Variants in PPP1R36 observed in about 807,000 individuals in gnomAD.
PPP1R36 encodes protein phosphatase 1 regulatory subunit 36, also known as chromosome 14 open reading frame 50.
PPP1R36 carries 47 observed loss-of-function variants against 53.4 expected under a neutral mutation model. That is an observed-to-expected ratio of 0.88 (90% CI 0.70 to 1.12). The LOEUF is 1.12. PPP1R36 is among the 50% of genes most tolerant of loss of function. PPP1R36 has a pLI of 0.00. For missense variants in PPP1R36, 456 were observed against 513.9 expected, an observed-to-expected ratio of 0.89 and a Z score of 1.09; for synonymous variants, 153 against 170.5, an observed-to-expected ratio of 0.90 and a Z score of 0.80.
chr14:64,573,141 A>G (rs1174776064), intron 7 of PPP1R36, among the ~76,000 whole-genome samples: 1 of 152,196 alleles, frequency 6.6e-6, no homozygotes, highest in Non-Finnish European at 1.5e-5. Flanking sequence ...AGTACAACTC[A>G]CTTTTCAATA....
intron 8 of PPP1R36, among the ~76,000 whole-genome samples, chr14:64,575,856 TAGCCAGG>T (rs986734266): frequency 2.6e-5 from 4 of 152,054 alleles, no homozygotes; most frequent in African/African-American, 9.7e-5. Flanking sequence ...TTCACCATGT[TAGCCAGG>T]ATGGTCTCGA....
At chr14:64,589,050 A>C in intron 11 of PPP1R36, 102 bp from the exon 12 acceptor site, 1 of 792,910 alleles carries the variant, frequency 1.3e-6, no homozygotes, top group Non-Finnish European at 2.0e-6. Flanking sequence ...TTTAGTGTAC[A>C]TACACACACA....
chr14:64,587,248 T>G lies in PPP1R36; in HGVS notation c.766T>G (p.Leu256Val), dbSNP rs749015307. 2 of 1,613,630 alleles carry G rather than the reference T, an allele frequency of 1.2e-6. No homozygotes were observed. Among genetic ancestry groups the G allele is most frequent in the East Asian group, 4.5e-5 (2 of 44,874 alleles). ...VAWIVFRRQH[L>V]TEIEEEVGRL... The stretch of plus-strand genomic sequence containing the variant: ...TTGGATTGTCTTCCGACGTCAACAC[T>G]TGACAGAGATTGAAGAAGAAGTAGG... Residue 256 changes from leucine (L) to valine (V), a missense_variant, in exon 10 of 12, where the codon TTG becomes GTG. Physicochemically the swap from Leu to Val is conservative, Grantham distance 32. Transcript: ENST00000298705.
chr14:64,554,111 T>C (rs2140215194), intron 3 of PPP1R36, among the ~76,000 whole-genome samples: 1 of 151,114 alleles, frequency 6.6e-6, no homozygotes, highest in East Asian at 1.9e-4. Flanking sequence ...ATTGGTTCCC[T>C]GTTAAAGTCT....
chr14:64,585,548 G>A (rs1397581037), intron 8 of PPP1R36, among the ~76,000 whole-genome samples: 1 of 148,472 alleles, frequency 6.7e-6, no homozygotes, highest in Non-Finnish European at 1.5e-5. Flanking sequence ...AAATTAGCCA[G>A]TGTGGTGGTG....
chr14:64,568,325 T>A lies in PPP1R36; in HGVS notation c.435-24T>A, dbSNP rs768273252. ...AAATAGGTTAGCATTGACTCTTTTTTTGTTGTTTCAAATCTCCCCATAGGA... is the reference window on the plus strand; with the variant it reads ...AAATAGGTTAGCATTGACTCTTTTTATGTTGTTTCAAATCTCCCCATAGGA... On this transcript the variant is annotated intron_variant, in intron 6 of 11. Coordinates refer to ENST00000298705, the MANE Select transcript of PPP1R36 (RefSeq NM_172365.3). 25 of 1,084,232 alleles carry A rather than the reference T, an allele frequency of 2.3e-5. No homozygotes were observed. In the African/African-American group the frequency reaches 4.0e-4, roughly 17 times the overall value. The allele number at this position is 1,084,232 out of a possible 1,614,324, so 67.2% of individuals were successfully genotyped here.
chr14:64,585,299 T>G (rs1040765838), intron 8 of PPP1R36, among the ~76,000 whole-genome samples: 2 of 152,120 alleles, frequency 1.3e-5, no homozygotes, highest in African/African-American at 4.8e-5. Flanking sequence ...GTGGATAGCT[T>G]GAGCTCAGGA....
chr14:64,561,759 C>T (rs2080207073), intron 3 of PPP1R36: 1 of 456,016 alleles, frequency 2.2e-6, no homozygotes, highest in Non-Finnish European at 4.4e-6. Context: ...TGACATAGTA[C>T]CTGCTATCCT....
intron 10 of PPP1R36, 76 bp downstream of exon 10, chr14:64,587,448 CTTTTTTTTTTTTTTTTTTTT>C (rs10708900): frequency 1.1e-4 from 12 of 110,980 alleles, no homozygotes; most frequent in Non-Finnish European, 1.7e-4. Context: ...CTTTTTTCTC[CTTTTTTTTTTTTTTTTTTTT>C]TTTTTTTTTT....
chr14:64,578,958 G>A (rs1280849696), intron 8 of PPP1R36, among the ~76,000 whole-genome samples: 5 of 152,214 alleles, frequency 3.3e-5, no homozygotes, highest in Non-Finnish European at 7.3e-5. Context: ...CCTTCTGTGG[G>A]AACATGGATA....
At chr14:64,556,762 A>ATGTTTGTG (rs1555351247) in intron 3 of PPP1R36, among the ~76,000 whole-genome samples, 513 of 134,060 alleles carry the variant, frequency 3.8e-3, no homozygotes, top group Middle Eastern at 0.011. Flanking sequence ...TCTCCAAAAA[A>ATGTTTGTG]TGTGTGTGTG....
intron 3 of PPP1R36, among the ~76,000 whole-genome samples, chr14:64,557,333 C>A (rs2080163776): frequency 6.6e-6 from 1 of 152,032 alleles, no homozygotes; most frequent in Non-Finnish European, 1.5e-5. Context: ...CAGTATGTAT[C>A]TCAAAGAATA....
chr14:64,570,943 A>G (rs1197255931), intron 7 of PPP1R36, among the ~76,000 whole-genome samples: 1 of 152,244 alleles, frequency 6.6e-6, no homozygotes. Flanking sequence ...ATGACATTAC[A>G]GTTCCTAGGT....
intron 3 of PPP1R36, among the ~76,000 whole-genome samples, chr14:64,557,398 TAAG>T (rs1031922153): frequency 7.9e-5 from 12 of 151,872 alleles, no homozygotes; most frequent in African/African-American, 2.4e-4. Context: ...ATATATAAAA[TAAG>T]AAGAAGAAGG....
Position 64,588,304 on chromosome 14 carries a change from C to T in PPP1R36, c.1082+9C>T. 6.3e-7 allele frequency: 1 copy of T among 1,592,260 alleles called. No homozygotes were observed. Among genetic ancestry groups the T allele is most frequent in the South Asian group, 1.1e-5 (1 of 88,506 alleles). Reference sequence around the variant, plus strand: ...TCTGTGCCCATGCCGGTGTAAGTGGCTTGGCAAGAGAAGCATGAGTGCCTT... The same window carrying T: ...TCTGTGCCCATGCCGGTGTAAGTGGTTTGGCAAGAGAAGCATGAGTGCCTT... On this transcript the variant is annotated intron_variant, in intron 11 of 11. Transcript: ENST00000298705.
chr14:64,570,008 G>A (rs762711515), intron 7 of PPP1R36, among the ~76,000 whole-genome samples: 3 of 151,726 alleles, frequency 2.0e-5, no homozygotes, highest in Non-Finnish European at 4.4e-5. Context: ...CAAAGTGCTA[G>A]GATTACAGGT....
intron 3 of PPP1R36, among the ~76,000 whole-genome samples, chr14:64,563,464 AAAAG>A (rs1428118013): frequency 2.6e-5 from 4 of 151,590 alleles, no homozygotes; most frequent in Admixed American, 1.3e-4. Flanking sequence ...TAAAAAAAAA[AAAAG>A]AAAGAAAAGA....
At position 64,552,846 on chromosome 14, in the gene PPP1R36, T is replaced by TG. The variant is rs1490589725; in HGVS notation, c.168dup (p.Lys57GlufsTer28). 1 of 1,613,658 alleles carries TG rather than the reference T, an allele frequency of 6.2e-7. No homozygotes were observed. The highest frequency in any genetic ancestry group is 8.5e-7 in the Non-Finnish European group (1 of 1,179,672). On this transcript the variant is annotated frameshift_variant, in exon 3 of 12. Transcript: ENST00000298705. LOFTEE classifies it high-confidence loss of function. ...GCAGAAGATTCTGTCCAGTGGCTCC[T>TG]GAAACATCACCCTCAGTGAGTGTGA...
At chr14:64,572,581 G>T (rs938830345) in intron 7 of PPP1R36, among the ~76,000 whole-genome samples, 1 of 151,962 alleles carries the variant, frequency 6.6e-6, no homozygotes, top group East Asian at 1.9e-4. Flanking sequence ...TGGGGTCTAG[G>T]GACCACTTGC....
Sources: gnomAD v4.1 joint callset for allele counts (sites outside exome capture counted in the v4.1 genomes callset) on GRCh38, gnomAD v4.1.1 for gene constraint, MANE v1.5 for transcripts, NCBI Gene and HGNC (gene_info 2026-07-23, HGNC 2026-07-21) for gene names.